NFIL3: variants seen among roughly 807,000 people sequenced by gnomAD.
The protein encoded by NFIL3 is nuclear factor, interleukin 3 regulated, also known as nuclear factor interleukin-3-regulated protein.
A neutral mutation model predicts 10.0 loss-of-function variants in NFIL3; 5 were observed. That is an observed-to-expected ratio of 0.50 (90% CI 0.26 to 1.06). NFIL3 has a LOEUF of 1.06. Ranked by LOEUF, NFIL3 falls within the 50% of genes least tolerant of loss-of-function variation. NFIL3 has a pLI of 0.13. For synonymous variants in NFIL3, 202 were observed against 206.5 expected (o/e 0.98, Z 0.19); for missense variants, 436 against 547.6 (o/e 0.80, Z 2.03).
intron 1 of NFIL3, among the ~76,000 whole-genome samples, chr9:91,415,002 G>C (rs1320996322): frequency 2.0e-5 from 3 of 152,206 alleles, no homozygotes; most frequent in Admixed American, 2.0e-4. Context: ...TATGTGAATT[G>C]TAAAGAAGAT....
At chr9:91,425,984 T>C (rs986953989), upstream of NFIL3, among the ~76,000 whole-genome samples, 4 of 152,218 alleles carry the variant, frequency 2.6e-5, no homozygotes, top group African/African-American at 9.6e-5. Flanking sequence ...GTTCTGCATT[T>C]TGAATAATTT....
At chr9:91,428,608 G>A (rs1185589429), upstream of NFIL3, among the ~76,000 whole-genome samples, 2 of 152,178 alleles carry the variant, frequency 1.3e-5, no homozygotes, top group Non-Finnish European at 2.9e-5. Context: ...CTATTAAGCA[G>A]CTCTTGCTCA....
At chr9:91,412,843 A>G (rs147859186) in intron 1 of NFIL3, among the ~76,000 whole-genome samples, 6,183 of 148,710 alleles carry the variant, frequency 0.042, 157 homozygotes, top group Middle Eastern at 0.097. Flanking sequence ...CAAGAGCGAG[A>G]CTTCGTCTCA....
chr9:91,450,211 A>C, the NFIL3 span, among the ~76,000 whole-genome samples: 2 of 152,154 alleles, frequency 1.3e-5, no homozygotes, highest in Non-Finnish European at 2.9e-5. Context: ...TTTATCTGCT[A>C]TCTAACCTTT....
chr9:91,453,285 T>C, the NFIL3 span, among the ~76,000 whole-genome samples: 46 of 152,164 alleles, frequency 3.0e-4, no homozygotes, highest in Non-Finnish European at 6.2e-4. Flanking sequence ...ATAACTTAAT[T>C]ACCTCTGAAA....
upstream of NFIL3, among the ~76,000 whole-genome samples, chr9:91,424,116 G>A (rs1473396978): frequency 6.6e-6 from 1 of 151,880 alleles, no homozygotes; most frequent in African/African-American, 2.4e-5. Context: ...CGCAACGAGT[G>A]TTGCGCAACG....
chr9:91,480,144 A>AT, the NFIL3 span, among the ~76,000 whole-genome samples: 312 of 140,608 alleles, frequency 2.2e-3, 1 homozygote, highest in East Asian at 5.6e-3. Context: ...ATAATCTAAT[A>AT]TTTTTTTTTT....
chr9:91,452,654 G>A, the NFIL3 span, among the ~76,000 whole-genome samples: 1 of 151,882 alleles, frequency 6.6e-6, no homozygotes, highest in South Asian at 2.1e-4. Flanking sequence ...AGGTGTGGTG[G>A]CGTACACCTG....
At chr9:91,456,249 G>A in the NFIL3 span, among the ~76,000 whole-genome samples, 27 of 152,218 alleles carry the variant, frequency 1.8e-4, no homozygotes, top group Admixed American at 3.3e-4. Flanking sequence ...CTTAGGAGTC[G>A]AATGATTGGA....
the NFIL3 span, among the ~76,000 whole-genome samples, chr9:91,463,887 T>C: frequency 3.9e-4 from 59 of 152,174 alleles, no homozygotes; most frequent in African/African-American, 1.4e-3. Context: ...TTTTGGAGAA[T>C]CGACTCCTTT....
At chr9:91,429,064 A>G in the NFIL3 span, among the ~76,000 whole-genome samples, 23 of 152,266 alleles carry the variant, frequency 1.5e-4, no homozygotes, top group Admixed American at 1.5e-3. Flanking sequence ...TATGAAATAG[A>G]AAATTGTGAA....
chr9:91,452,298 T>C, the NFIL3 span, among the ~76,000 whole-genome samples: 5 of 152,350 alleles, frequency 3.3e-5, 1 homozygote, highest in Non-Finnish European at 7.4e-5. Flanking sequence ...GCCCAGACCT[T>C]TCTTTCTATT....
chr9:91,464,641 G>A, the NFIL3 span, among the ~76,000 whole-genome samples: 3 of 152,008 alleles, frequency 2.0e-5, no homozygotes, highest in South Asian at 6.2e-4. Flanking sequence ...CCAAGATTTT[G>A]ACCTATGTTA....
chr9:91,466,857 T>C, the NFIL3 span, among the ~76,000 whole-genome samples: 1 of 152,200 alleles, frequency 6.6e-6, no homozygotes, highest in African/African-American at 2.4e-5. Flanking sequence ...CTCGGATATT[T>C]AGTCAAATAC....
At position 91,413,283 on chromosome 9, in the gene NFIL3, C is replaced by T. The variant is rs972437435; in HGVS notation, c.-172-2377G>A. Among the ~76,000 whole-genome samples, 13 of 151,522 alleles carry T rather than the reference C, an allele frequency of 8.6e-5. 1 individual carries two copies. Among genetic ancestry groups the T allele is most frequent in the Admixed American group, 7.9e-4 (12 of 15,208 alleles). On this transcript the variant is annotated intron_variant, in intron 1 of 1. Transcript: ENST00000297689. The stretch of plus-strand genomic sequence containing the variant: ...TTTTTTTTTTGATAAGAGTCTCGCT[C>T]TGCTGCCCAGGCTAGAGTGCAGTGG...
At chr9:91,483,069 CCTCAACAGTCTG>C in the NFIL3 span, among the ~76,000 whole-genome samples, 38 of 152,252 alleles carry the variant, frequency 2.5e-4, no homozygotes, top group African/African-American at 8.7e-4. Flanking sequence ...TTATCATCTC[CCTCAACAGTCTG>C]CTCAACAGTC....
the NFIL3 span, among the ~76,000 whole-genome samples, chr9:91,479,854 G>T: frequency 6.6e-6 from 1 of 152,330 alleles, no homozygotes; most frequent in African/African-American, 2.4e-5. Context: ...CTGGGCCAGA[G>T]TACACTGTCC....
upstream of NFIL3, among the ~76,000 whole-genome samples, chr9:91,425,906 G>A (rs374889116): frequency 2.0e-5 from 3 of 152,206 alleles, no homozygotes; most frequent in East Asian, 1.9e-4. Context: ...GGTCAGAAAT[G>A]CAGCTATTGT....
Sources: gnomAD v4.1 joint callset for allele counts (sites outside exome capture counted in the v4.1 genomes callset) on GRCh38, gnomAD v4.1.1 for gene constraint, MANE v1.5 for transcripts, NCBI Gene and HGNC (gene_info 2026-07-23, HGNC 2026-07-21) for gene names.